The following PTPRN2 variants were observed in gnomAD, a reference collection of about 807,000 sequenced individuals.
The protein encoded by PTPRN2 is receptor-type tyrosine-protein phosphatase N2.
Under a neutral mutation model 118.8 loss-of-function variants are expected in PTPRN2, and 74 were observed. The observed-to-expected ratio is 0.62, with a 90% confidence interval of 0.52 to 0.76. PTPRN2 has a LOEUF of 0.76. PTPRN2 is among the 30% of genes least tolerant of loss of function. The pLI, the probability that PTPRN2 is intolerant of heterozygous loss-of-function variation, is 0.00. For missense variants in PTPRN2, 1,481 were observed against 1,394.4 expected (o/e 1.06, Z -0.99); for synonymous variants, 641 against 608.0 (o/e 1.05, Z -0.80).
intron 2 of PTPRN2, among the ~76,000 whole-genome samples, chr7:158,459,340 G>A (rs1258649446): frequency 7.4e-6 from 1 of 135,732 alleles, no homozygotes; most frequent in Non-Finnish European, 1.7e-5. Context: ...CGCCTGGGAC[G>A]AACAGGCTCC....
chr7:158,083,412 C>T (rs971603289), intron 10 of PTPRN2, among the ~76,000 whole-genome samples: 1 of 152,216 alleles, frequency 6.6e-6, no homozygotes, highest in Non-Finnish European at 1.5e-5. Flanking sequence ...CACACGGCAT[C>T]TGTGAAACTG....
intron 14 of PTPRN2, among the ~76,000 whole-genome samples, chr7:157,623,575 T>C (rs1404069181): frequency 6.6e-6 from 1 of 152,250 alleles, no homozygotes; most frequent in Non-Finnish European, 1.5e-5. Flanking sequence ...ACTACAGCTA[T>C]TTAAATTCTC....
chr7:158,241,283 A>G (rs943278876), intron 3 of PTPRN2, among the ~76,000 whole-genome samples: 1 of 152,130 alleles, frequency 6.6e-6, no homozygotes, highest in Admixed American at 6.6e-5. Context: ...TGGGAGGCCA[A>G]GGGGGAGGAT....
chr7:158,144,969 C>CG lies in PTPRN2; in HGVS notation c.911-6455_911-6454insC, dbSNP rs1563504277. On this transcript the variant is annotated intron_variant, in intron 6 of 22. Transcript: ENST00000389418. ...CGGCAAGACTTCCCTCACATCATCGCAAGAAGGTTCCAGAATACCACGGCT... is the reference window on the plus strand; with the variant it reads ...CGGCAAGACTTCCCTCACATCATCGCGAAGAAGGTTCCAGAATACCACGGCT... Among the ~76,000 whole-genome samples, 26 of 132,100 alleles carry CG rather than the reference C, an allele frequency of 2.0e-4. 4 individuals carry two copies. The highest frequency in any genetic ancestry group is 2.8e-4 in the Non-Finnish European group (17 of 60,248). The allele number at this position is 132,100 out of a possible 152,430, so 86.7% of individuals were successfully genotyped here. A position where few individuals can be genotyped will look rare whatever the true frequency, so the allele number is the denominator to read the frequency against.
intron 2 of PTPRN2, among the ~76,000 whole-genome samples, chr7:158,447,774 C>G (rs1272662777): frequency 6.6e-6 from 1 of 152,256 alleles, no homozygotes; most frequent in Non-Finnish European, 1.5e-5. Context: ...GAGCTGACCT[C>G]TCTGCGCAGG....
intron 12 of PTPRN2, among the ~76,000 whole-genome samples, chr7:157,875,975 A>G (rs6953575): frequency 0.3 from 45,125 of 149,050 alleles, 7,889 homozygotes; most frequent in African/African-American, 0.49. Context: ...TCCCCAGGGC[A>G]GGCACGGGGC....
At chr7:157,939,739 G>A (rs764375624) in intron 11 of PTPRN2, among the ~76,000 whole-genome samples, 13 of 152,150 alleles carry the variant, frequency 8.5e-5, no homozygotes, top group Non-Finnish European at 1.6e-4. Context: ...TTAATACCAG[G>A]GCTTTTAAGA....
intron 2 of PTPRN2, among the ~76,000 whole-genome samples, chr7:158,478,080 C>T (rs1174015074): frequency 6.6e-6 from 1 of 152,202 alleles, no homozygotes; most frequent in African/African-American, 2.4e-5. Context: ...GGTAGGCAGG[C>T]CATGCTGCAG....
rs139465632 is a variant in PTPRN2 at position 158,586,517 on chromosome 7, T to G, written c.112+1041A>C. Among the ~76,000 whole-genome samples, 223 of 152,278 alleles carry G rather than the reference T, an allele frequency of 1.5e-3. 3 individuals carry two copies. The highest frequency in any genetic ancestry group is 5.2e-3 in the African/African-American group (217 of 41,558). On this transcript the variant is annotated intron_variant, in intron 1 of 22. Coordinates refer to ENST00000389418, the MANE Select transcript of PTPRN2 (RefSeq NM_002847.5). Reference sequence around the variant, plus strand: ...ACACCGATTATCCTAACCTGTCATGTGTAATTCTGGCCCCGAAGCCGCCTG... The same window carrying G: ...ACACCGATTATCCTAACCTGTCATGGGTAATTCTGGCCCCGAAGCCGCCTG...
chr7:157,733,886 T>C (rs539724371), intron 12 of PTPRN2, among the ~76,000 whole-genome samples: 2 of 51,040 alleles, frequency 3.9e-5, no homozygotes, highest in African/African-American at 9.8e-5. Flanking sequence ...TTCCGTCCCA[T>C]GCGCCCAGCA....
At chr7:158,228,309 A>G (rs185287758) in intron 3 of PTPRN2, among the ~76,000 whole-genome samples, 2 of 152,282 alleles carry the variant, frequency 1.3e-5, no homozygotes, top group Admixed American at 6.5e-5. Context: ...AAGAGTCACC[A>G]TTACTGAGAA....
chr7:158,044,110 G>A (rs566466609), intron 11 of PTPRN2, among the ~76,000 whole-genome samples: 2 of 152,302 alleles, frequency 1.3e-5, no homozygotes, highest in East Asian at 3.9e-4. Context: ...ACCCTGCAGG[G>A]TGTTTCAGAT....
intron 2 of PTPRN2, among the ~76,000 whole-genome samples, chr7:158,420,404 T>C (rs1443092819): frequency 1.3e-5 from 2 of 152,166 alleles, no homozygotes; most frequent in Non-Finnish European, 2.9e-5. Flanking sequence ...GAACATAGAA[T>C]CTTGGCTTTG....
At chr7:157,870,672 T>G (rs1354261007) in intron 12 of PTPRN2, among the ~76,000 whole-genome samples, 1 of 152,214 alleles carries the variant, frequency 6.6e-6, no homozygotes, top group Non-Finnish European at 1.5e-5. Context: ...ACATTTTCCA[T>G]GGACCTTCTT....
intron 3 of PTPRN2, among the ~76,000 whole-genome samples, chr7:158,231,332 A>T (rs1385046638): frequency 6.6e-6 from 1 of 152,216 alleles, no homozygotes. Flanking sequence ...CTGTGCTTAT[A>T]TCAGATAAAA....
chr7:158,098,423 G>A (rs1356240374), intron 10 of PTPRN2, among the ~76,000 whole-genome samples: 1 of 152,236 alleles, frequency 6.6e-6, no homozygotes, highest in Non-Finnish European at 1.5e-5. Context: ...CCTAAGGCGG[G>A]AGATGCCCGA....
chr7:157,736,559 C>G (rs927316262), intron 12 of PTPRN2, among the ~76,000 whole-genome samples: 6 of 152,122 alleles, frequency 3.9e-5, no homozygotes, highest in Non-Finnish European at 7.4e-5. Context: ...CCCCGCCGCC[C>G]CCCACAGCTT....
chr7:157,844,551 A>G (rs1219084618), intron 12 of PTPRN2, among the ~76,000 whole-genome samples: 1 of 152,202 alleles, frequency 6.6e-6, no homozygotes, highest in African/African-American at 2.4e-5. Context: ...CGGGGACAGG[A>G]GCCCAGCGTG....
chr7:157,596,628 A>T lies in PTPRN2; in HGVS notation c.2419-1313T>A, dbSNP rs1801354110. 6.6e-6 allele frequency among the ~76,000 whole-genome samples: 1 copy of T among 152,252 alleles called. No homozygotes were observed. Among genetic ancestry groups the T allele is most frequent in the African/African-American group, 2.4e-5 (1 of 41,556 alleles). Reference sequence around the variant, plus strand: ...GCAAAGGACACGAAGATACCAGGACATCACTATCATCCCCAGGGCTCACCA... The same window carrying T: ...GCAAAGGACACGAAGATACCAGGACTTCACTATCATCCCCAGGGCTCACCA... On this transcript the variant is annotated intron_variant, in intron 16 of 22. Transcript: ENST00000389418. This position sits in a 1 kb window ranked among gnomAD's most constrained non-coding sequence, Gnocchi z 4.2.
Sources: allele counts gnomAD v4.1 joint callset (sites outside exome capture counted in the v4.1 genomes callset), GRCh38; gene constraint gnomAD v4.1.1; non-coding constraint Gnocchi (gnomAD v3.1); transcripts MANE v1.5; gene names NCBI Gene and HGNC (gene_info 2026-07-23, HGNC 2026-07-21).